The following CHN2 variants were observed in gnomAD, a reference collection of about 807,000 sequenced individuals.
The protein encoded by CHN2 is beta-chimaerin.
CHN2 carries 35 observed loss-of-function variants against 56.3 expected under a neutral mutation model. The ratio of observed to expected loss-of-function variants is 0.62; its 90% CI spans 0.47 to 0.82. The LOEUF is 0.82. Ranked by LOEUF, CHN2 falls within the 40% of genes least tolerant of loss-of-function variation. The pLI is 0.00. For missense variants in CHN2, 491 were observed against 580.5 expected (o/e 0.85, Z 1.58); for synonymous variants, 210 against 212.8 (o/e 0.99, Z 0.12).
intron 6 of CHN2, among the ~76,000 whole-genome samples, chr7:29,459,046 C>T (rs943032733): frequency 6.6e-5 from 10 of 152,204 alleles, no homozygotes; most frequent in African/African-American, 1.4e-4. Context: ...ACTAAACTAG[C>T]AGGGACCAGT....
chr7:29,487,211 T>TG (rs1277784217), intron 7 of CHN2, among the ~76,000 whole-genome samples: 3 of 151,758 alleles, frequency 2.0e-5, no homozygotes, highest in Admixed American at 1.3e-4. Context: ...GTTTTGTTTT[T>TG]TTTTTGTTTG....
At chr7:29,453,542 G>A (rs563332015) in intron 6 of CHN2, among the ~76,000 whole-genome samples, 17 of 152,048 alleles carry the variant, frequency 1.1e-4, no homozygotes, top group Non-Finnish European at 2.1e-4. Flanking sequence ...GAGTTAGGAC[G>A]CCCCCCCACG....
intron 2 of CHN2, among the ~76,000 whole-genome samples, chr7:29,157,852 C>A (rs1485328597): frequency 6.6e-6 from 1 of 152,058 alleles, no homozygotes; most frequent in South Asian, 2.1e-4. Flanking sequence ...AAAAATCCTT[C>A]TATGTAGATT....
At chr7:29,220,483 A>G (rs1191833940) in intron 1 of CHN2, among the ~76,000 whole-genome samples, 2 of 152,140 alleles carry the variant, frequency 1.3e-5, no homozygotes, top group Non-Finnish European at 2.9e-5. Context: ...GATCACCACT[A>G]TATGTCATAG....
intron 1 of CHN2, among the ~76,000 whole-genome samples, chr7:29,273,384 T>TATAC (rs1342440854): frequency 1.8e-5 from 1 of 55,976 alleles, no homozygotes; most frequent in Admixed American, 2.4e-4. Context: ...TATATATATA[T>TATAC]ATATACACAC....
chr7:29,418,162 G>A (rs1046606005), intron 6 of CHN2, among the ~76,000 whole-genome samples: 2 of 152,234 alleles, frequency 1.3e-5, no homozygotes, highest in African/African-American at 4.8e-5. Flanking sequence ...CAGACAGTTT[G>A]TCCTTTCGTG....
At chr7:29,389,356 T>C (rs1801181962) in intron 3 of CHN2, among the ~76,000 whole-genome samples, 1 of 152,200 alleles carries the variant, frequency 6.6e-6, no homozygotes, top group Non-Finnish European at 1.5e-5. Flanking sequence ...CACTCTCAAA[T>C]CCATTCTCAA....
chr7:29,284,923 C>T (rs144586119), intron 1 of CHN2, among the ~76,000 whole-genome samples: 3 of 152,366 alleles, frequency 2.0e-5, no homozygotes, highest in African/African-American at 7.2e-5. Flanking sequence ...GAGACGTCAT[C>T]TCAAAAATCA....
intron 6 of CHN2, among the ~76,000 whole-genome samples, chr7:29,462,851 G>A (rs1785267248): frequency 1.3e-5 from 2 of 151,498 alleles, no homozygotes; most frequent in South Asian, 4.2e-4. Context: ...TGCCATGTTG[G>A]TGTGCTGCAC....
At chr7:29,257,954 A>AT (rs142707997) in intron 1 of CHN2, among the ~76,000 whole-genome samples, 13 of 149,514 alleles carry the variant, frequency 8.7e-5, no homozygotes, top group East Asian at 3.9e-4. Context: ...CCCCTGGCTA[A>AT]TTTTTTTTTT....
At chr7:29,472,539 A>C (rs545414921) in intron 6 of CHN2, among the ~76,000 whole-genome samples, 48 of 152,312 alleles carry the variant, frequency 3.2e-4, no homozygotes, top group South Asian at 1.7e-3. Context: ...GTCATCACCC[A>C]ACACCAGTAC....
At chr7:29,329,430 A>G (rs959156501) in intron 1 of CHN2, among the ~76,000 whole-genome samples, 11 of 143,642 alleles carry the variant, frequency 7.7e-5, no homozygotes, top group African/African-American at 2.9e-4. Flanking sequence ...TGTGCCCTTC[A>G]TAATAGAACA....
At chr7:29,496,516 TAAA>T (rs886069600) in intron 8 of CHN2, among the ~76,000 whole-genome samples, 1 of 142,280 alleles carries the variant, frequency 7.0e-6, no homozygotes, top group African/African-American at 2.6e-5. Context: ...TATCCTCCAT[TAAA>T]AAAAAAAAAA....
At chr7:29,266,112 G>A (rs1413516479) in intron 1 of CHN2, among the ~76,000 whole-genome samples, 1 of 152,192 alleles carries the variant, frequency 6.6e-6, no homozygotes, top group Non-Finnish European at 1.5e-5. Context: ...TGTGTAAAAT[G>A]TGTGTGTGTT....
intron 6 of CHN2, among the ~76,000 whole-genome samples, chr7:29,427,421 C>T (rs1804975370): frequency 6.6e-6 from 1 of 152,138 alleles, no homozygotes; most frequent in Admixed American, 6.5e-5. Flanking sequence ...ATAACATAAT[C>T]ATGTAACATG....
chr7:29,427,654 TTC>T (rs1170515051), intron 6 of CHN2, among the ~76,000 whole-genome samples: 1 of 116,616 alleles, frequency 8.6e-6, no homozygotes, highest in African/African-American at 3.5e-5. Context: ...ATATTTTTTA[TTC>T]TTTTTTTTTT....
intron 1 of CHN2, among the ~76,000 whole-genome samples, chr7:29,211,020 G>A (rs1225397902): frequency 6.6e-6 from 1 of 151,940 alleles, no homozygotes; most frequent in Non-Finnish European, 1.5e-5. Flanking sequence ...TCCCTGGAGG[G>A]TTCTAGAAGA....
intron 2 of CHN2, among the ~76,000 whole-genome samples, chr7:29,165,673 T>A (rs759139783): frequency 6.6e-6 from 1 of 152,362 alleles, no homozygotes; most frequent in Admixed American, 6.5e-5. Flanking sequence ...GGTGAGGTGT[T>A]AACTGTAGGC....
intron 1 of CHN2, among the ~76,000 whole-genome samples, chr7:29,279,180 GT>G (rs1791474716): frequency 6.6e-6 from 1 of 152,216 alleles, no homozygotes. Context: ...TATTTACAGA[GT>G]TGAAAGGGCA....
Sources: allele counts gnomAD v4.1 joint callset (sites outside exome capture counted in the v4.1 genomes callset), GRCh38; gene constraint gnomAD v4.1.1; transcripts MANE v1.5; gene names NCBI Gene and HGNC (gene_info 2026-07-23, HGNC 2026-07-21).